The following PCCB variants were observed in gnomAD, a reference collection of about 807,000 sequenced individuals.
The protein encoded by PCCB is propionyl-CoA carboxylase beta chain, mitochondrial.
Under a neutral mutation model 60.7 loss-of-function variants are expected in PCCB, and 43 were observed. That is an observed-to-expected ratio of 0.71 (90% CI 0.55 to 0.91). The LOEUF is 0.91. Ranked by LOEUF, PCCB falls within the 40% of genes least tolerant of loss-of-function variation. The pLI is 0.00. For missense variants in PCCB, 766 were observed against 702.8 expected (o/e 1.09, Z -1.02); for synonymous variants, 276 against 255.9 (o/e 1.08, Z -0.75).
At chr3:136,323,089 ATTC>A (rs1004828764) in intron 10 of PCCB, among the ~76,000 whole-genome samples, 10 of 146,036 alleles carry the variant, frequency 6.8e-5, no homozygotes, top group African/African-American at 2.3e-4. Context: ...TTCTGAATGT[ATTC>A]TTCTTAGAGT....
intron 8 of PCCB, among the ~76,000 whole-genome samples, chr3:136,300,817 C>T (rs1357228225): frequency 6.6e-6 from 1 of 152,080 alleles, no homozygotes; most frequent in Admixed American, 6.5e-5. Context: ...TAAAAGAGAA[C>T]CAGAAGATCT....
chr3:136,275,557 A>G (rs1391587563), intron 5 of PCCB, among the ~76,000 whole-genome samples: 2 of 151,576 alleles, frequency 1.3e-5, no homozygotes, highest in Admixed American at 1.3e-4. Context: ...TGTGTAGAGT[A>G]TTTCTTCTAA....
intron 1 of PCCB, among the ~76,000 whole-genome samples, chr3:136,253,975 T>C (rs1173163485): frequency 2.0e-5 from 3 of 151,984 alleles, no homozygotes; most frequent in Admixed American, 2.0e-4. Flanking sequence ...AAAATCTGTA[T>C]ATATGTTGCC....
chr3:136,290,732 G>A (rs1043577348), intron 6 of PCCB, among the ~76,000 whole-genome samples: 3 of 110,298 alleles, frequency 2.7e-5, no homozygotes, highest in Middle Eastern at 0.011. Flanking sequence ...TTGGATCTGT[G>A]GTTTGGTGTC....
chr3:136,259,402 A>G (rs1336199201), intron 3 of PCCB, among the ~76,000 whole-genome samples: 1 of 152,100 alleles, frequency 6.6e-6, no homozygotes, highest in African/African-American at 2.4e-5. Flanking sequence ...GAGGCGGAGG[A>G]TACAGTGAGC....
At position 136,253,926 on chromosome 3, in the gene PCCB, G is replaced by A. The variant is rs1240945019; in HGVS notation, c.184-1930G>A. Among the ~76,000 whole-genome samples the A allele has an allele frequency of 2.0e-5, 3 of 151,986 alleles. No homozygotes were observed. The East Asian group carries it at 5.8e-4, about 29-fold the overall frequency. On this transcript the variant is annotated intron_variant, in intron 1 of 14. Transcript: ENST00000251654. ...GCCTTCCAAAGTGCTGGGATTACAG[G>A]TGTGAGCTGCAGTGCCTGGTCAGTA...
intron 9 of PCCB, among the ~76,000 whole-genome samples, chr3:136,304,121 G>C (rs113234934): frequency 4.2e-5 from 5 of 118,186 alleles, no homozygotes; most frequent in Admixed American, 1.0e-4. Context: ...CTCAGTGCAT[G>C]CAGAAAGAGA....
intron 5 of PCCB, among the ~76,000 whole-genome samples, chr3:136,267,253 C>G (rs945981525): frequency 6.6e-6 from 1 of 152,180 alleles, no homozygotes; most frequent in African/African-American, 2.4e-5. Flanking sequence ...TTAGTGCAAT[C>G]ACAGCTCACT....
intron 7 of PCCB, among the ~76,000 whole-genome samples, chr3:136,296,051 T>TA (rs368237952): frequency 1.3e-5 from 2 of 152,348 alleles, no homozygotes; most frequent in East Asian, 3.9e-4. Context: ...GCTCCGTACA[T>TA]ATATTTTTCT....
chr3:136,295,282 C>G (rs1019476377), intron 7 of PCCB, among the ~76,000 whole-genome samples: 19 of 152,124 alleles, frequency 1.2e-4, no homozygotes, highest in African/African-American at 4.6e-4. Flanking sequence ...GCATTTCTTC[C>G]CAGTGTCCCT....
intron 10 of PCCB, among the ~76,000 whole-genome samples, chr3:136,317,537 C>G (rs1934952752): frequency 6.6e-6 from 1 of 151,984 alleles, no homozygotes; most frequent in Non-Finnish European, 1.5e-5. Flanking sequence ...CCTATAAAAG[C>G]TACTTTTAAT....
intron 5 of PCCB, among the ~76,000 whole-genome samples, chr3:136,277,452 A>G (rs1942359072): frequency 6.6e-6 from 1 of 152,044 alleles, no homozygotes; most frequent in African/African-American, 2.4e-5. Flanking sequence ...CTGGTTTCTC[A>G]GGTGACAACG....
chr3:136,277,993 G>A (rs751230012), intron 5 of PCCB, among the ~76,000 whole-genome samples: 2 of 152,182 alleles, frequency 1.3e-5, no homozygotes, highest in South Asian at 2.1e-4. Flanking sequence ...TCCTCACTCA[G>A]TGTTATATCT....
Position 136,293,748 on chromosome 3 carries a change from T to C in PCCB, c.655-8T>C, listed in dbSNP as rs748444609. The C allele has an allele frequency of 8.9e-6, 14 of 1,575,614 alleles. No homozygotes were observed. The South Asian group carries it at 1.6e-4, about 17-fold the overall frequency. ...GAGGTTGACTGTTCTGGAAATCTTT[T>C]ATTTCAGGACACCTCCTACCTGTTC... On this transcript the variant is annotated splice_polypyrimidine_tract_variant and splice_region_variant and intron_variant, in intron 6 of 14. Transcript: ENST00000251654.
intron 5 of PCCB, among the ~76,000 whole-genome samples, chr3:136,270,128 T>G (rs1942154759): frequency 6.6e-6 from 1 of 152,026 alleles, no homozygotes; most frequent in East Asian, 1.9e-4. Flanking sequence ...GATAATCATG[T>G]GTTTTTTGTT....
At chr3:136,309,361 T>A (rs1339109603) in intron 9 of PCCB, among the ~76,000 whole-genome samples, 1 of 150,518 alleles carries the variant, frequency 6.6e-6, no homozygotes, top group East Asian at 1.9e-4. Flanking sequence ...CAAGAAATAA[T>A]TTAATAAGGA....
At chr3:136,280,478 T>C (rs1942447931) in intron 5 of PCCB, among the ~76,000 whole-genome samples, 1 of 152,154 alleles carries the variant, frequency 6.6e-6, no homozygotes. Flanking sequence ...CCTGAGTAGC[T>C]GGGGCCATAG....
intron 7 of PCCB, among the ~76,000 whole-genome samples, chr3:136,295,487 ACTT>A (rs1933890903): frequency 6.6e-6 from 1 of 152,126 alleles, no homozygotes; most frequent in Non-Finnish European, 1.5e-5. Context: ...GAATCAGAAC[ACTT>A]CTTAGCATCA....
At chr3:136,271,324 T>A (rs574767261) in intron 5 of PCCB, among the ~76,000 whole-genome samples, 3 of 152,306 alleles carry the variant, frequency 2.0e-5, no homozygotes, top group South Asian at 4.1e-4. Flanking sequence ...TTGCTTTGGC[T>A]ATCTGGACTC....
Sources: allele counts gnomAD v4.1 joint callset (sites outside exome capture counted in the v4.1 genomes callset), GRCh38; gene constraint gnomAD v4.1.1; transcripts MANE v1.5; gene names NCBI Gene and HGNC (gene_info 2026-07-23, HGNC 2026-07-21).